Variants in ZNF285 observed in about 807,000 individuals in gnomAD.
ZNF285 encodes zinc finger protein 285A.
Under a neutral mutation model 6.2 loss-of-function variants are expected in ZNF285, and 4 were observed. The ratio of observed to expected loss-of-function variants is 0.65; its 90% CI spans 0.32 to 1.49. The LOEUF is 1.49. Among genes scored for constraint, ZNF285 ranks in the 40% most tolerant of loss-of-function variants. The probability of loss-of-function intolerance (pLI) is 0.07; values close to 1 mark genes in which losing one functional copy is unlikely to be tolerated. For missense variants in ZNF285, 695 were observed against 708.8 expected, an observed-to-expected ratio of 0.98 and a Z score of 0.22; for synonymous variants, 240 against 245.8, an observed-to-expected ratio of 0.98 and a Z score of 0.22.
chr19:44,393,926 T>C (rs1971237583), intron 2 of ZNF285, among the ~76,000 whole-genome samples: 1 of 152,102 alleles, frequency 6.6e-6, no homozygotes, highest in African/African-American at 2.4e-5. Context: ...ACCCAAAGGA[T>C]TATAAATCAT....
At chr19:44,394,032 T>C (rs1229593941) in intron 2 of ZNF285, among the ~76,000 whole-genome samples, 4 of 152,086 alleles carry the variant, frequency 2.6e-5, no homozygotes, top group African/African-American at 7.3e-5. Flanking sequence ...AACGATAGAC[T>C]GGATTAAGAA....
chr19:44,392,547 C>T (rs770587710), intron 2 of ZNF285, 81 bp from the exon 3 acceptor site: 3 of 1,612,166 alleles, frequency 1.9e-6, no homozygotes, highest in African/African-American at 1.3e-5. Flanking sequence ...TAATAAAACA[C>T]CACAGTCTGA....
At chr19:44,389,323 C>T (rs919199493) in intron 3 of ZNF285, among the ~76,000 whole-genome samples, 1 of 152,134 alleles carries the variant, frequency 6.6e-6, no homozygotes, top group Non-Finnish European at 1.5e-5. Flanking sequence ...TCAAGTCCCA[C>T]TGGATACTGC....
intron 2 of ZNF285, among the ~76,000 whole-genome samples, chr19:44,393,806 C>T (rs1330491710): frequency 2.0e-4 from 31 of 152,130 alleles, no homozygotes; most frequent in Non-Finnish European, 2.9e-5. Flanking sequence ...TTTTACACTG[C>T]TGGTGGGACT....
rs761987437 is a variant in ZNF285 at position 44,392,607 on chromosome 19, G to T, written c.16-141C>A. On this transcript the variant is annotated intron_variant, in intron 2 of 3. Transcript: ENST00000614994. ...TTCTTCCTGTCCTGGAGGTTGGAAA[G>T]TCTAAGATCAAGTACCACCAAGATA... is the stretch of plus-strand genomic sequence containing the variant. The T allele has an allele frequency of 2.0e-6, 3 of 1,514,636 alleles. No individual in the cohort carries two copies. The South Asian group carries it at 3.5e-5, about 18-fold the overall frequency. 93.8% of individuals were successfully genotyped at this position (1,514,636 alleles called of 1,614,324 possible).
chr19:44,387,704 G>A lies in ZNF285; in HGVS notation c.541C>T (p.His181Tyr). 6.2e-7 allele frequency: 1 copy of A among 1,613,810 alleles called. No individual in the cohort carries two copies. The highest frequency in any genetic ancestry group is 8.5e-7 in the Non-Finnish European group (1 of 1,179,838). Residue 181 changes from histidine to tyrosine, a missense_variant, in exon 4 of 4, where the codon CAT becomes TAT. Coordinates refer to ENST00000614994, the MANE Select transcript of ZNF285 (RefSeq NM_152354.6). ...GAGGTCCAACTGAGGCTGTCATCATGCTGAGCACGTCTGTACAATTTCTCT... is the reference window on the plus strand; with the variant it reads ...GAGGTCCAACTGAGGCTGTCATCATACTGAGCACGTCTGTACAATTTCTCT... ...MEEKLYRRAQ[H>Y]DDSLSWTSCD...
At chr19:44,394,408 T>C (rs1204826085) in intron 2 of ZNF285, 1 of 406,356 alleles carries the variant, frequency 2.5e-6, no homozygotes. Context: ...ACTTAAAGTA[T>C]AATAAAAAAA....
In ZNF285 at chr19:44,386,639, C is replaced by T. The variant is rs12610859; in HGVS notation, c.1606G>A (p.Gly536Arg). 652,834 of 1,613,758 alleles carry T rather than the reference C, an allele frequency of 0.4. 139,610 individuals are homozygous for T. The highest frequency in any genetic ancestry group is 0.8 in the East Asian group (35,862 of 44,858). Reference protein sequence around the residue: ...DLNVHLRVHTGERPYKCKACG... With the variant: ...DLNVHLRVHTRERPYKCKACG... ...GCCTTACACTTATAGGGCCTCTCTC[C>T]TGTGTGGACTCTGAGGTGAACATTA... is the stretch of plus-strand genomic sequence containing the variant. Residue 536 changes from glycine to arginine, a missense_variant, in exon 4 of 4, where the codon GGA becomes AGA. Transcript: ENST00000614994.
intron 3 of ZNF285, among the ~76,000 whole-genome samples, chr19:44,391,768 C>G (rs1219294628): frequency 6.6e-6 from 1 of 152,016 alleles, no homozygotes; most frequent in Non-Finnish European, 1.5e-5. Flanking sequence ...ATAAACTAAA[C>G]TTAGGTAACA....
chr19:44,392,477 A>T lies in ZNF285; in HGVS notation c.16-11T>A, dbSNP rs1390127165. The T allele has an allele frequency of 6.2e-7, 1 of 1,613,866 alleles. No individual in the cohort carries two copies. The highest frequency in any genetic ancestry group is 8.5e-7 in the Non-Finnish European group (1 of 1,179,812). Reference sequence around the variant, plus strand: ...GAATGTCACCCTTTCCTAAAACATCAACCACATGCCACGTCAATCATCCAC... The same window carrying T: ...GAATGTCACCCTTTCCTAAAACATCTACCACATGCCACGTCAATCATCCAC... On this transcript the variant is annotated splice_polypyrimidine_tract_variant and intron_variant, in intron 2 of 3. Coordinates refer to ENST00000614994, the MANE Select transcript of ZNF285 (RefSeq NM_152354.6).
In ZNF285 at chr19:44,392,481, A is replaced by C. The variant is rs1271623195; in HGVS notation, c.16-15T>G. On this transcript the variant is annotated splice_polypyrimidine_tract_variant and intron_variant, in intron 2 of 3. Transcript: ENST00000614994. ...GTCACCCTTTCCTAAAACATCAACC[A>C]CATGCCACGTCAATCATCCACACAA... The C allele has an allele frequency of 6.2e-7, 1 of 1,613,688 alleles. No homozygotes were observed. Among genetic ancestry groups the C allele is most frequent in the Non-Finnish European group, 8.5e-7 (1 of 1,179,804 alleles).
rs1344135410 is a variant in ZNF285 at position 44,386,095 on chromosome 19, T to C, written c.*377A>G. 5.4e-6 allele frequency: 1 copy of C among 184,264 alleles called. No individual in the cohort carries two copies. The highest frequency in any genetic ancestry group is 1.2e-5 in the Non-Finnish European group (1 of 85,816). The allele number at this position is 184,264 out of a possible 1,614,324, so 11.4% of individuals were successfully genotyped here. A position where few individuals can be genotyped will look rare whatever the true frequency, so the allele number is the denominator to read the frequency against. ...ATGTTCTTCATACAGAGAGTATTTTTCTACTGGGGACTAAAAAAAAATCTA... is the reference window on the plus strand; with the variant it reads ...ATGTTCTTCATACAGAGAGTATTTTCCTACTGGGGACTAAAAAAAAATCTA... On this transcript the variant is annotated 3_prime_UTR_variant, in exon 4 of 4. Transcript: ENST00000614994.
At position 44,397,651 on chromosome 19, in the gene ZNF285, G is replaced by A. The variant is rs147764727; in HGVS notation, c.-43-395C>T. 9.1e-3 allele frequency among the ~76,000 whole-genome samples: 1,382 copies of A among 152,214 alleles called. 25 individuals are homozygous for A. Among genetic ancestry groups the A allele is most frequent in the African/African-American group, 0.029 (1,193 of 41,480 alleles). ...TGTAATCCCAGCACTTTGGGAACCCGAGACGGGTGGATCACTTGAGGCCAG... is the reference window on the plus strand; with the variant it reads ...TGTAATCCCAGCACTTTGGGAACCCAAGACGGGTGGATCACTTGAGGCCAG... On this transcript the variant is annotated intron_variant, in intron 1 of 3. Coordinates refer to ENST00000614994, the MANE Select transcript of ZNF285 (RefSeq NM_152354.6).
rs1213548529 is a variant in ZNF285, at chr19:44,387,469, G to A, written c.776C>T (p.Ser259Phe). The stretch of plus-strand genomic sequence containing the variant: ...CTTTCCATACTGGTCACATTTATAA[G>A]ATTTTTCTCCTAGGTGAGTGCTGTG... ...VHHSTHLGEK[S>F]YKCDQYGKNF... is the part of the protein sequence containing the mutation. Residue 259 changes from serine to phenylalanine, a missense_variant, in exon 4 of 4, where the codon TCT becomes TTT. By Grantham distance (155) the Ser-to-Phe change is radical. Transcript: ENST00000614994. The A allele has an allele frequency of 3.7e-6, 6 of 1,613,946 alleles. No homozygotes were observed. The highest frequency in any genetic ancestry group is 3.3e-5 in the Admixed American group (2 of 59,992).
Position 44,391,681 on chromosome 19 carries a change from CA to C in ZNF285, c.142+658del, listed in dbSNP as rs549273456. Reference sequence around the variant, plus strand: ...GTTACCTCCTACCAGGCCCCTCCCACAACATATGGGAATTATAGGAGCTACA... The same window carrying C: ...GTTACCTCCTACCAGGCCCCTCCCACACATATGGGAATTATAGGAGCTACA... On this transcript the variant is annotated intron_variant, in intron 3 of 3. Coordinates refer to ENST00000614994, the MANE Select transcript of ZNF285 (RefSeq NM_152354.6). Among the ~76,000 whole-genome samples the C allele has an allele frequency of 5.3e-5, 8 of 152,094 alleles. No individual in the cohort carries two copies. In the South Asian group the frequency reaches 1.7e-3, roughly 32 times the overall value.
intron 2 of ZNF285, among the ~76,000 whole-genome samples, chr19:44,396,378 G>T (rs1190138047): frequency 6.6e-6 from 1 of 152,068 alleles, no homozygotes; most frequent in African/African-American, 2.4e-5. Flanking sequence ...TCCACACTGT[G>T]ATGGTCTTTC....
intron 3 of ZNF285, chr19:44,392,102 C>A (rs183028914): frequency 3.1e-6 from 4 of 1,301,210 alleles, no homozygotes; most frequent in East Asian, 2.8e-5. Context: ...ACTTCCTGCA[C>A]TGAATGCCCA....
At chr19:44,397,572 A>C (rs2722652) in intron 1 of ZNF285, among the ~76,000 whole-genome samples, 49,751 of 152,038 alleles carry the variant, frequency 0.33, 11,534 homozygotes, top group East Asian at 0.75. Flanking sequence ...AAAAGAGGCT[A>C]CAGAATTGCT....
Position 44,382,686 on chromosome 19 carries a change from A to G in ZNF285, c.*3786T>C, listed in dbSNP as rs182013801. 1 of 152,408 alleles carries G rather than the reference A, an allele frequency of 6.6e-6. No individual in the cohort carries two copies. The highest frequency in any genetic ancestry group is 6.5e-5 in the Admixed American group (1 of 15,292). The allele number at this position is 152,408 out of a possible 1,614,324, so 9.4% of individuals were successfully genotyped here. On this transcript the variant is annotated 3_prime_UTR_variant, in exon 4 of 4. Transcript: ENST00000614994. ...CCAGGGCCTGGGTGAAGCAGGAAAT[A>G]GACCACACCTCACCGCTATGTTTTT...
Sources: allele counts gnomAD v4.1 joint callset (sites outside exome capture counted in the v4.1 genomes callset), GRCh38; gene constraint gnomAD v4.1.1; transcripts MANE v1.5; gene names NCBI Gene and HGNC (gene_info 2026-07-23, HGNC 2026-07-21).